TENM2: variants seen among roughly 807,000 people sequenced by gnomAD.
The protein encoded by TENM2 is teneurin transmembrane protein 2.
A neutral mutation model predicts 245.2 loss-of-function variants in TENM2; 52 were observed. The ratio of observed to expected loss-of-function variants is 0.21; its 90% confidence interval spans 0.17 to 0.27. The LOEUF is 0.27. TENM2 is among the 10% of genes least tolerant of loss of function. The pLI is 1.00. For synonymous variants in TENM2, 1,363 were observed against 1,438.9 expected (o/e 0.95, Z 1.19); for missense variants, 3,046 against 3,666.8 (o/e 0.83, Z 4.37).
intron 5 of TENM2, among the ~76,000 whole-genome samples, chr5:168,037,984 A>C (rs1787859398): frequency 2.0e-5 from 3 of 152,206 alleles, no homozygotes; most frequent in Admixed American, 2.0e-4. Context: ...GGCAAATGAG[A>C]GAATAATACC....
intron 2 of TENM2, among the ~76,000 whole-genome samples, chr5:167,822,801 G>A (rs1221531304): frequency 6.6e-6 from 1 of 152,188 alleles, no homozygotes; most frequent in Admixed American, 6.5e-5. Context: ...CTATTAGCAG[G>A]CATTTAGGCA....
chr5:168,176,840 C>T (rs890119599), intron 13 of TENM2, among the ~76,000 whole-genome samples: 5 of 152,210 alleles, frequency 3.3e-5, no homozygotes, highest in African/African-American at 1.2e-4. Flanking sequence ...TTTCAAAAAA[C>T]ATGCATACAG....
chr5:168,227,134 C>T (rs1264688876), intron 24 of TENM2, among the ~76,000 whole-genome samples: 1 of 152,120 alleles, frequency 6.6e-6, no homozygotes, highest in Non-Finnish European at 1.5e-5. Flanking sequence ...GCTCCTTTGC[C>T]CAGACAGTCA....
intron 12 of TENM2, among the ~76,000 whole-genome samples, chr5:168,145,803 T>C (rs1314712252): frequency 7.3e-5 from 11 of 150,240 alleles, no homozygotes; most frequent in Non-Finnish European, 1.3e-4. Flanking sequence ...TGATTCTTCC[T>C]ACCCATGAGC....
chr5:167,840,958 T>C (rs2151150454), intron 2 of TENM2, among the ~76,000 whole-genome samples: 1 of 152,298 alleles, frequency 6.6e-6, no homozygotes, highest in Non-Finnish European at 1.5e-5. Flanking sequence ...ATCACTTTTT[T>C]TCACACAACA....
Position 168,218,838 on chromosome 5 carries a change from G to A in TENM2, c.4947G>A (p.Leu1649=). 6.2e-7 allele frequency: 1 copy of A among 1,614,010 alleles called. No individual in the cohort carries two copies. Among genetic ancestry groups the A allele is most frequent in the Non-Finnish European group, 8.5e-7 (1 of 1,179,902 alleles). Residue 1649 remains leucine, a synonymous_variant, in exon 23 of 29, where the codon CTG becomes CTA. Transcript: ENST00000518659. The surrounding 1 kb of genome is among the most constrained non-coding windows in gnomAD (Gnocchi z 5.2). ...ACAGCAGTGGCATGCCCCGTCACCT[G>A]CTCATGCCTGACAACCAGATCATCA...
At chr5:167,779,573 T>A (rs1342900543) in intron 2 of TENM2, among the ~76,000 whole-genome samples, 1 of 152,204 alleles carries the variant, frequency 6.6e-6, no homozygotes, top group Non-Finnish European at 1.5e-5. Context: ...CCTATACACA[T>A]GACTTTATTA....
the TENM2 span, among the ~76,000 whole-genome samples, chr5:167,237,775 G>A: frequency 6.6e-6 from 1 of 152,106 alleles, no homozygotes; most frequent in Non-Finnish European, 1.5e-5. Flanking sequence ...CACTTTGGGA[G>A]GCCGAGGTGG....
At chr5:167,229,472 T>A in the TENM2 span, among the ~76,000 whole-genome samples, 1 of 152,182 alleles carries the variant, frequency 6.6e-6, no homozygotes, top group African/African-American at 2.4e-5. Context: ...TGGTATGGTA[T>A]AACAAACCTC....
chr5:167,263,398 G>A, the TENM2 span, among the ~76,000 whole-genome samples: 2 of 152,124 alleles, frequency 1.3e-5, no homozygotes, highest in Non-Finnish European at 2.9e-5. Context: ...CGAAGCCATG[G>A]GAGTATATGC....
chr5:168,136,155 T>C lies in TENM2; in HGVS notation c.2422+9189T>C, dbSNP rs544744176. 7.2e-5 allele frequency among the ~76,000 whole-genome samples: 11 copies of C among 152,266 alleles called. No homozygotes were observed. The East Asian group carries it at 1.9e-3, about 27-fold the overall frequency. ...TAGGTGACGTGAGAAGTTTTCAAGA[T>C]AGAACGGACACGTACTCCAGCCCTT... is the stretch of plus-strand genomic sequence containing the variant. On this transcript the variant is annotated intron_variant, in intron 12 of 28. Transcript: ENST00000518659.
the TENM2 span, among the ~76,000 whole-genome samples, chr5:167,174,240 T>C: frequency 6.6e-6 from 1 of 152,150 alleles, no homozygotes; most frequent in Non-Finnish European, 1.5e-5. Flanking sequence ...GTAATACATC[T>C]AAACACCCAC....
intron 2 of TENM2, chr5:167,653,689 T>C (rs1754634447): frequency 6.6e-6 from 1 of 152,210 alleles, no homozygotes; most frequent in Non-Finnish European, 1.5e-5. Context: ...GAGTGAGGAT[T>C]GAGCCCTTTT....
At chr5:167,249,378 G>A in the TENM2 span, among the ~76,000 whole-genome samples, 2 of 152,162 alleles carry the variant, frequency 1.3e-5, no homozygotes, top group Admixed American at 1.3e-4. Flanking sequence ...GAACATTGCT[G>A]ACATTTACAG....
intron 2 of TENM2, among the ~76,000 whole-genome samples, chr5:167,452,950 T>TTTTTTTTTTTTTTTTAA (rs70976428): frequency 1.4e-4 from 14 of 99,630 alleles, no homozygotes; most frequent in African/African-American, 4.8e-4. Flanking sequence ...TATATATATA[T>TTTTTTTTTTTTTTTTAA]ATATATATAT....
the TENM2 span, among the ~76,000 whole-genome samples, chr5:167,239,425 C>A: frequency 1.6e-4 from 24 of 152,310 alleles, no homozygotes; most frequent in Admixed American, 1.6e-3. Context: ...CCTGACTACC[C>A]CATTTCTTCA....
chr5:168,036,703 ATGTG>A (rs60566569), intron 5 of TENM2, among the ~76,000 whole-genome samples: 4,690 of 93,310 alleles, frequency 0.05, 426 homozygotes, highest in African/African-American at 0.22. Context: ...ATATATATGT[ATGTG>A]TATATATATG....
intron 5 of TENM2, among the ~76,000 whole-genome samples, chr5:168,019,231 G>A (rs1334119603): frequency 6.6e-6 from 1 of 152,198 alleles, no homozygotes; most frequent in Non-Finnish European, 1.5e-5. Context: ...AGGACAGCAT[G>A]ACAACAAGCC....
rs546538864 is a variant in TENM2 at position 167,572,429 on chromosome 5, A to T, written c.502+196956A>T. ...TGTTTCTAAAATGATAATTGTTATA[A>T]GTAGGGCACATAGAATTTACTTTCG... On this transcript the variant is annotated intron_variant, in intron 2 of 28. Coordinates refer to ENST00000518659, the Ensembl canonical transcript of TENM2. Among the ~76,000 whole-genome samples, 11 of 152,322 alleles carry T rather than the reference A, an allele frequency of 7.2e-5. No individual in the cohort carries two copies. In the East Asian group the frequency reaches 2.1e-3, roughly 29 times the overall value.
Sources: allele counts gnomAD v4.1 joint callset (sites outside exome capture counted in the v4.1 genomes callset), GRCh38; gene constraint gnomAD v4.1.1; non-coding constraint Gnocchi (gnomAD v3.1); transcripts MANE v1.5; gene names NCBI Gene and HGNC (gene_info 2026-07-23, HGNC 2026-07-21).